Variants in USP32 observed in about 807,000 individuals in gnomAD.
USP32 encodes the protein ubiquitin specific peptidase 32, also known as ubiquitin carboxyl-terminal hydrolase 32.
In USP32, 59 loss-of-function variants were observed where a neutral mutation model predicts 204.8. The observed-to-expected ratio is 0.29, with a 90% CI of 0.23 to 0.36. USP32 has a LOEUF of 0.36. USP32 is among the 10% of genes least tolerant of loss of function. The pLI is 1.00. For synonymous variants in USP32, 517 were observed against 678.4 expected, an observed-to-expected ratio of 0.76 and a Z score of 3.70; for missense variants, 1,160 against 1,946.4, an observed-to-expected ratio of 0.60 and a Z score of 7.60.
At chr17:60,209,715 G>A (rs1215908092) in intron 21 of USP32, among the ~76,000 whole-genome samples, 172 bp from the exon 22 acceptor site, 2 of 151,090 alleles carry the variant, frequency 1.3e-5, no homozygotes, top group Non-Finnish European at 3.0e-5. Context: ...GAATCTTAAT[G>A]TCAAATGACC....
rs78147168 is a variant in USP32, at chr17:60,298,370, A to G, written c.292+3229T>C. On this transcript the variant is annotated intron_variant, in intron 3 of 33. Transcript: ENST00000300896. Reference sequence around the variant, plus strand: ...GCCAACTTGCAGGCTATAACCCTTTATAAGAAATAAAGTTTCTTTTCCAAA... The same window carrying G: ...GCCAACTTGCAGGCTATAACCCTTTGTAAGAAATAAAGTTTCTTTTCCAAA... Among the ~76,000 whole-genome samples the G allele has an allele frequency of 2.4e-3, 364 of 152,288 alleles. 2 individuals carry two copies. The highest frequency in any genetic ancestry group is 7.6e-3 in the African/African-American group (315 of 41,544).
At chr17:60,246,411 A>AT (rs199852454) in intron 11 of USP32, among the ~76,000 whole-genome samples, 39 of 145,874 alleles carry the variant, frequency 2.7e-4, no homozygotes, top group African/African-American at 1.0e-3. Flanking sequence ...ATATATATAT[A>AT]TATTTTTTTT....
intron 1 of USP32, among the ~76,000 whole-genome samples, chr17:60,374,207 AAACACACACCTT>A: frequency 6.6e-6 from 1 of 151,856 alleles, no homozygotes; most frequent in Non-Finnish European, 1.5e-5. Flanking sequence ...AAAAAGACAT[AAACACACACCTT>A]AGCCTAGGCC....
intron 1 of USP32, among the ~76,000 whole-genome samples, chr17:60,390,131 TAAAC>T (rs758575426): frequency 3.9e-5 from 6 of 152,212 alleles, no homozygotes; most frequent in Non-Finnish European, 7.4e-5. Flanking sequence ...TATAAGAAAT[TAAAC>T]AAAAACCTTC....
intron 1 of USP32, among the ~76,000 whole-genome samples, chr17:60,353,728 G>C (rs1299176607): frequency 6.6e-6 from 1 of 152,146 alleles, no homozygotes; most frequent in Non-Finnish European, 1.5e-5. Context: ...GAGACAGAGT[G>C]AGACTCTGTC....
chr17:60,293,795 G>T (rs995171958), intron 4 of USP32, among the ~76,000 whole-genome samples: 3 of 152,084 alleles, frequency 2.0e-5, no homozygotes, highest in Non-Finnish European at 2.9e-5. Context: ...AAAGAACAAT[G>T]GAGGACTGTC....
chr17:60,391,797 C>A, intron 1 of USP32, 85 bp downstream of exon 1: 2 of 1,480,040 alleles, frequency 1.4e-6, no homozygotes, highest in Non-Finnish European at 1.8e-6. Context: ...CGCCCTCAAT[C>A]TCCCCTCTCC....
In USP32 at chr17:60,246,731, C is replaced by A. The variant is rs2086037907; in HGVS notation, c.1136+5650G>T. 1.3e-5 allele frequency among the ~76,000 whole-genome samples: 2 copies of A among 152,020 alleles called. 1 individual carries two copies. The highest frequency in any genetic ancestry group is 4.1e-4 in the South Asian group (2 of 4,826). ...TTATTCTTTGTCTTTTTTATAATAG[C>A]CATTTTAACTGGGAGATAATATTTC... On this transcript the variant is annotated intron_variant, in intron 11 of 33. Transcript: ENST00000300896.
intron 1 of USP32, among the ~76,000 whole-genome samples, chr17:60,382,972 G>A (rs1392808663): frequency 6.6e-6 from 1 of 152,048 alleles, no homozygotes; most frequent in Non-Finnish European, 1.5e-5. Flanking sequence ...CACAGGCCGG[G>A]CGCGGTGGTT....
chr17:60,409,590 T>A (rs756771084), intron 1 of USP32, among the ~76,000 whole-genome samples: 24 of 152,122 alleles, frequency 1.6e-4, no homozygotes, highest in Non-Finnish European at 3.2e-4. Flanking sequence ...AAATTACAAG[T>A]GAGATAAATC....
chr17:60,298,809 A>T (rs2087501853), intron 3 of USP32, among the ~76,000 whole-genome samples: 1 of 152,184 alleles, frequency 6.6e-6, no homozygotes, highest in Admixed American at 6.5e-5. Flanking sequence ...TTTACTGGGC[A>T]TATACACGTG....
intron 14 of USP32, among the ~76,000 whole-genome samples, chr17:60,223,191 A>G (rs574241062): frequency 1.3e-5 from 2 of 152,286 alleles, no homozygotes; most frequent in South Asian, 2.1e-4. Context: ...TAGCTGTCCT[A>G]AGTAAGAATA....
intron 1 of USP32, among the ~76,000 whole-genome samples, chr17:60,406,663 G>A (rs1173569198): frequency 3.3e-5 from 5 of 151,084 alleles, no homozygotes; most frequent in East Asian, 2.0e-4. Flanking sequence ...TTACAGGCAC[G>A]CGCCACCACG....
intron 5 of USP32, among the ~76,000 whole-genome samples, chr17:60,281,446 G>A (rs1479066470): frequency 6.6e-6 from 1 of 151,992 alleles, no homozygotes; most frequent in East Asian, 1.9e-4. Flanking sequence ...GCTGAGGCAG[G>A]AGAATTGCTG....
rs2086723208 is a variant in USP32, at chr17:60,271,492, A to T, written c.572-11T>A. On this transcript the variant is annotated splice_polypyrimidine_tract_variant and intron_variant, in intron 5 of 33. Transcript: ENST00000300896. ...TGTCTGATTCCTCCACTAAGGGTCA[A>T]ATCAAAAAAGATTATAAAACCTCAG... 1.2e-6 allele frequency: 2 copies of T among 1,611,930 alleles called. No individual in the cohort carries two copies. Among genetic ancestry groups the T allele is most frequent in the East Asian group, 4.5e-5 (2 of 44,818 alleles).
intron 12 of USP32, among the ~76,000 whole-genome samples, chr17:60,233,283 T>C (rs1178442221): frequency 2.6e-5 from 4 of 152,118 alleles, no homozygotes; most frequent in African/African-American, 9.7e-5. Context: ...CTGGCAGGCA[T>C]AGTGAGACCC....
intron 13 of USP32, among the ~76,000 whole-genome samples, chr17:60,224,968 C>A (rs979516263): frequency 4.6e-5 from 7 of 152,176 alleles, no homozygotes; most frequent in African/African-American, 1.7e-4. Flanking sequence ...CATCTGAATT[C>A]TTTCTCAGTA....
At chr17:60,369,168 G>A (rs1034228678) in intron 1 of USP32, among the ~76,000 whole-genome samples, 1 of 142,748 alleles carries the variant, frequency 7.0e-6, no homozygotes, top group East Asian at 2.0e-4. Flanking sequence ...CTAATTTTTT[G>A]TATTTTTAGT....
chr17:60,205,281 C>A (rs1262324525), intron 26 of USP32, among the ~76,000 whole-genome samples, 166 bp downstream of exon 26: 1 of 151,452 alleles, frequency 6.6e-6, no homozygotes, highest in Non-Finnish European at 1.5e-5. Flanking sequence ...ATTTTGAGGA[C>A]AGGATAAAAA....
Sources: gnomAD v4.1 joint callset for allele counts (sites outside exome capture counted in the v4.1 genomes callset) on GRCh38, gnomAD v4.1.1 for gene constraint, MANE v1.5 for transcripts, NCBI Gene and HGNC (gene_info 2026-07-23, HGNC 2026-07-21) for gene names.